NLRC5: variants seen among roughly 807,000 people sequenced by gnomAD.
NLRC5 encodes the protein protein NLRC5.
A neutral mutation model predicts 206.9 loss-of-function variants in NLRC5; 114 were observed. The observed-to-expected ratio is 0.55, with a 90% CI of 0.47 to 0.64. NLRC5 has a LOEUF of 0.64. Ranked by LOEUF, NLRC5 falls within the 30% of genes least tolerant of loss-of-function variation. NLRC5 has a pLI of 0.00. For synonymous variants in NLRC5, 952 were observed against 962.8 expected, an observed-to-expected ratio of 0.99 and a Z score of 0.21; for missense variants, 2,008 against 2,305.5, an observed-to-expected ratio of 0.87 and a Z score of 2.64.
chr16:57,036,375 A>T (rs1490578964), intron 14 of NLRC5, among the ~76,000 whole-genome samples, 192 bp downstream of exon 14: 1 of 152,200 alleles, frequency 6.6e-6, no homozygotes, highest in Non-Finnish European at 1.5e-5. Context: ...TAGTCCAATC[A>T]TCTAGCACCC....
Position 57,030,009 on chromosome 16 carries a change from G to A in NLRC5, c.2342G>A (p.Ser781Asn), listed in dbSNP as rs773379035. The change falls in exon 10 of 49, where the codon AGC becomes AAC. Residue 781 changes from serine to asparagine, a missense_variant. Transcript: ENST00000688547. ...RLRKLDLSSN[S>N]ICVSTLLCLA... ...CAATCTTGCAGCCTGAGCAGCAACA[G>A]CATCTGCGTGTCAACCCTACTCTGC... The A allele has an allele frequency of 1.9e-6, 3 of 1,614,134 alleles. No individual in the cohort carries two copies. Among genetic ancestry groups the A allele is most frequent in the Non-Finnish European group, 2.5e-6 (3 of 1,180,016 alleles).
At chr16:57,059,414 T>A in intron 29 of NLRC5, 53 bp from the exon 30 acceptor site, 1 of 1,564,960 alleles carries the variant, frequency 6.4e-7, no homozygotes, top group Non-Finnish European at 8.7e-7. Flanking sequence ...CCTAGGTGCC[T>A]AGGAAGCTGG....
intron 1 of NLRC5, chr16:56,991,105 T>C (rs2056771356): frequency 1.3e-5 from 2 of 152,192 alleles, no homozygotes; most frequent in Non-Finnish European, 1.5e-5. Flanking sequence ...TTTTGTGGAT[T>C]GAATGAGATG....
At position 57,025,552 on chromosome 16, in the gene NLRC5, T is replaced by C. The variant is rs150725449; in HGVS notation, c.609T>C (p.Asp203=). The change falls in exon 6 of 49, where the codon GAT becomes GAC. Residue 203 remains aspartate (D), a synonymous_variant. Coordinates refer to ENST00000688547, the MANE Select transcript of NLRC5 (RefSeq NM_001384950.1). ...GAIMGDVKVE[D]GADVSISDLF... is the part of the protein sequence containing the mutation. ...TTATGGGGGACGTCAAGGTGGAAGA[T>C]GGTGCTGACGTGAGCATCTCGGACC... is the stretch of plus-strand genomic sequence containing the variant. The C allele has an allele frequency of 6.6e-5, 106 of 1,613,686 alleles. No individual in the cohort carries two copies. Among genetic ancestry groups the C allele is most frequent in the Non-Finnish European group, 8.1e-5 (95 of 1,179,800 alleles).
chr16:56,993,134 C>CACGTATATATGTGTATATATAT (rs1445203454), intron 1 of NLRC5, among the ~76,000 whole-genome samples: 228 of 81,808 alleles, frequency 2.8e-3, no homozygotes, highest in Middle Eastern at 0.01. Context: ...TATATATATA[C>CACGTATATATGTGTATATATAT]ACACACACAC....
intron 24 of NLRC5, among the ~76,000 whole-genome samples, chr16:57,054,156 T>A (rs557924479): frequency 6.6e-6 from 1 of 152,246 alleles, no homozygotes; most frequent in East Asian, 1.9e-4. Flanking sequence ...TGGAAATATC[T>A]GGAGATATTT....
intron 46 of NLRC5, among the ~76,000 whole-genome samples, chr16:57,079,927 T>C (rs2068917317): frequency 6.6e-6 from 1 of 152,180 alleles, no homozygotes; most frequent in South Asian, 2.1e-4. Context: ...GGTCCAACCT[T>C]CCTTTTGGGA....
At chr16:57,036,720 G>A (rs1290849228) in intron 14 of NLRC5, among the ~76,000 whole-genome samples, 1 of 152,026 alleles carries the variant, frequency 6.6e-6, no homozygotes, top group African/African-American at 2.4e-5. Flanking sequence ...GGAGTGTTGA[G>A]ATTGGGTAGC....
Position 57,069,858 on chromosome 16 carries a change from A to G in NLRC5, c.4522A>G (p.Thr1508Ala), listed in dbSNP as rs2067438976. The G allele has an allele frequency of 6.2e-7, 1 of 1,603,948 alleles. No individual in the cohort carries two copies. Residue 1508 changes from threonine (T) to alanine (A), a missense_variant, in exon 37 of 49, where the codon ACC becomes GCC. Physicochemically the swap from Thr to Ala is moderately conservative, Grantham distance 58 (BLOSUM62 0). Coordinates refer to ENST00000688547, the MANE Select transcript of NLRC5 (RefSeq NM_001384950.1). ...TFRLTSSCVS[T>A]EGLAHLASGL... The stretch of plus-strand genomic sequence containing the variant: ...CAGGCTGACCTCCAGCTGTGTGAGC[A>G]CCGAGGGCCTCGCCCACCTGGCATC...
intron 6 of NLRC5, among the ~76,000 whole-genome samples, chr16:57,027,869 G>A (rs1464296350): frequency 6.6e-6 from 1 of 152,208 alleles, no homozygotes; most frequent in Non-Finnish European, 1.5e-5. Context: ...TGTGATCTCT[G>A]GCTGGGAAAC....
intron 1 of NLRC5, 33 bp from the exon 2 acceptor site, chr16:57,017,041 G>C (rs542998390): frequency 6.5e-5 from 10 of 152,894 alleles, no homozygotes; most frequent in African/African-American, 7.2e-5. Context: ...GTCTGGAATA[G>C]TGGGGAAAAC....
At chr16:57,051,438 C>T (rs1414489906) in intron 23 of NLRC5, 100 bp from the exon 24 acceptor site, 2 of 824,202 alleles carry the variant, frequency 2.4e-6, no homozygotes, top group East Asian at 2.4e-5. Context: ...TTCAGGTGAC[C>T]CTGGTTAGGT....
chr16:56,990,853 T>C (rs1483737515), intron 1 of NLRC5: 3 of 152,092 alleles, frequency 2.0e-5, no homozygotes, highest in African/African-American at 4.8e-5. Flanking sequence ...TAGACTCCCA[T>C]CCAGCGTGCT....
chr16:57,078,083 G>T, intron 43 of NLRC5, 63 bp downstream of exon 43: 2 of 1,367,778 alleles, frequency 1.5e-6, no homozygotes, highest in Non-Finnish European at 2.0e-6. Flanking sequence ...GGGAGCAGTG[G>T]GGGGGTCCAG....
intron 4 of NLRC5, among the ~76,000 whole-genome samples, chr16:57,023,353 C>T (rs954263586): frequency 2.0e-5 from 3 of 152,162 alleles, no homozygotes; most frequent in Non-Finnish European, 4.4e-5. Flanking sequence ...GATAAGAAAT[C>T]GGGATGATAA....
At chr16:57,017,564 CTGTCTCG>C (rs1211518959) in intron 2 of NLRC5, among the ~76,000 whole-genome samples, 1 of 152,198 alleles carries the variant, frequency 6.6e-6, no homozygotes, top group African/African-American at 2.4e-5. Context: ...CTCTTGCTTC[CTGTCTCG>C]TGTGGATTGA....
intron 1 of NLRC5, among the ~76,000 whole-genome samples, chr16:57,006,150 C>T (rs2058876584): frequency 6.6e-6 from 1 of 151,324 alleles, no homozygotes; most frequent in African/African-American, 2.4e-5. Context: ...ATGTGTGCAC[C>T]ACCACTCCTG....
At chr16:57,005,304 T>C (rs1468105782) in intron 1 of NLRC5, among the ~76,000 whole-genome samples, 2 of 152,164 alleles carry the variant, frequency 1.3e-5, no homozygotes, top group Non-Finnish European at 2.9e-5. Context: ...GAGAAATCAA[T>C]TGAAGAACAG....
intron 1 of NLRC5, among the ~76,000 whole-genome samples, chr16:57,006,411 C>CTGTTT (rs1567514378): frequency 9.0e-5 from 5 of 55,718 alleles, no homozygotes; most frequent in African/African-American, 2.7e-4. Context: ...CATCTTCATC[C>CTGTTT]TCTTTTTTTT....
Sources: allele counts gnomAD v4.1 joint callset (sites outside exome capture counted in the v4.1 genomes callset), GRCh38; gene constraint gnomAD v4.1.1; transcripts MANE v1.5; gene names NCBI Gene and HGNC (gene_info 2026-07-23, HGNC 2026-07-21).